The following CYP4X1 variants were observed in gnomAD, a reference collection of about 807,000 sequenced individuals.
CYP4X1 encodes the protein cytochrome P450 family 4 subfamily X member 1, also known as cytochrome P450 4X1.
Under a neutral mutation model 57.9 loss-of-function variants are expected in CYP4X1, and 44 were observed. The ratio of observed to expected loss-of-function variants is 0.76; its 90% confidence interval spans 0.60 to 0.98. The LOEUF is 0.98. CYP4X1 is among the 50% of genes least tolerant of loss of function. The pLI is 0.00. For missense variants in CYP4X1, 532 were observed against 623.9 expected, an observed-to-expected ratio of 0.85 and a Z score of 1.57; for synonymous variants, 227 against 228.6, an observed-to-expected ratio of 0.99 and a Z score of 0.06.
At chr1:47,014,616 C>G in the CYP4X1 span, among the ~76,000 whole-genome samples, 1 of 152,172 alleles carries the variant, frequency 6.6e-6, no homozygotes, top group Non-Finnish European at 1.5e-5. Context: ...ATATGAATTC[C>G]AATAAACACA....
the CYP4X1 span, among the ~76,000 whole-genome samples, chr1:47,002,722 C>T: frequency 6.6e-6 from 1 of 152,182 alleles, no homozygotes; most frequent in Non-Finnish European, 1.5e-5. Context: ...CAGGATCCTT[C>T]AAATGCTATG....
chr1:46,991,854 C>G, the CYP4X1 span, among the ~76,000 whole-genome samples: 1 of 152,176 alleles, frequency 6.6e-6, no homozygotes, highest in Non-Finnish European at 1.5e-5. Context: ...TCTTATAGAT[C>G]TGATTCTCCT....
the CYP4X1 span, among the ~76,000 whole-genome samples, chr1:46,987,688 C>G: frequency 2.0e-5 from 3 of 152,208 alleles, no homozygotes; most frequent in Non-Finnish European, 2.9e-5. Flanking sequence ...AACAGTCTCT[C>G]AGACCACAGT....
chr1:46,985,821 C>G, the CYP4X1 span, among the ~76,000 whole-genome samples: 3 of 152,288 alleles, frequency 2.0e-5, no homozygotes, highest in East Asian at 5.8e-4. Context: ...GGAAGAGCAT[C>G]AACATCAAAA....
intron 8 of CYP4X1, among the ~76,000 whole-genome samples, chr1:47,041,155 T>TTA (rs1259145279): frequency 1.3e-5 from 2 of 152,168 alleles, no homozygotes; most frequent in Admixed American, 6.5e-5. Flanking sequence ...AGTCCATTGT[T>TTA]TATATATATA....
the CYP4X1 span, among the ~76,000 whole-genome samples, chr1:46,987,843 A>G: frequency 6.6e-6 from 1 of 152,214 alleles, no homozygotes; most frequent in African/African-American, 2.4e-5. Context: ...CAAGGAGAAC[A>G]AACACAAAAC....
At chr1:47,031,985 G>T (rs550472397) in intron 3 of CYP4X1, among the ~76,000 whole-genome samples, 1 of 152,062 alleles carries the variant, frequency 6.6e-6, no homozygotes, top group Admixed American at 6.6e-5. Flanking sequence ...GGAGGTTGCC[G>T]TGAGCTCAGA....
the CYP4X1 span, among the ~76,000 whole-genome samples, chr1:46,995,808 G>A: frequency 1.1e-4 from 16 of 152,176 alleles, no homozygotes; most frequent in Admixed American, 8.5e-4. Flanking sequence ...CAAAACCAAC[G>A]GCAGAAGGCC....
intron 8 of CYP4X1, among the ~76,000 whole-genome samples, chr1:47,043,356 C>A (rs1459789087): frequency 6.6e-6 from 1 of 151,898 alleles, no homozygotes; most frequent in African/African-American, 2.4e-5. Flanking sequence ...GGATATTAGA[C>A]CTTTGTTGGA....
intron 4 of CYP4X1, among the ~76,000 whole-genome samples, chr1:47,033,910 G>A (rs1280699079): frequency 6.6e-6 from 1 of 152,178 alleles, no homozygotes; most frequent in Admixed American, 6.5e-5. Context: ...TTGCCCTAAG[G>A]GCAAGATTTA....
At chr1:46,962,559 A>G in the CYP4X1 span, among the ~76,000 whole-genome samples, 2 of 152,226 alleles carry the variant, frequency 1.3e-5, no homozygotes, top group East Asian at 3.8e-4. Context: ...CGTTGAAAAA[A>G]GATTAGACGA....
At position 47,050,304 on chromosome 1, in the gene CYP4X1, A is replaced by AC; in HGVS notation, c.*130_*131insC. On this transcript the variant is annotated 3_prime_UTR_variant, in exon 12 of 12. Coordinates refer to ENST00000371901, the MANE Select transcript of CYP4X1 (RefSeq NM_178033.2). The stretch of plus-strand genomic sequence containing the variant: ...GGTTGGTGGGATAGGGGTCTCTGTG[A>AC]AGAGATCCAAAATCATTTCTAGGTA... 1 of 928,516 alleles carries AC rather than the reference A, an allele frequency of 1.1e-6. No individual in the cohort carries two copies. The highest frequency in any genetic ancestry group is 1.6e-6 in the Non-Finnish European group (1 of 616,576). The allele number at this position is 928,516 out of a possible 1,614,324, so 57.5% of individuals were successfully genotyped here. A position where few individuals can be genotyped will look rare whatever the true frequency, so the allele number is the denominator to read the frequency against.
chr1:46,983,033 C>T, the CYP4X1 span, among the ~76,000 whole-genome samples: 1 of 152,186 alleles, frequency 6.6e-6, no homozygotes, highest in South Asian at 2.1e-4. Flanking sequence ...AGGTCCAAGC[C>T]TGGGGGCCCT....
chr1:47,018,301 G>T, the CYP4X1 span, among the ~76,000 whole-genome samples: 17 of 152,192 alleles, frequency 1.1e-4, no homozygotes, highest in African/African-American at 4.1e-4. Context: ...ACTCTTGGTG[G>T]GCTTTTGTTA....
the CYP4X1 span, among the ~76,000 whole-genome samples, chr1:47,014,913 C>T: frequency 2.4e-4 from 37 of 152,126 alleles, no homozygotes; most frequent in Non-Finnish European, 4.3e-4. Context: ...TCGTATAGCC[C>T]ACAGGTCACA....
At chr1:47,008,033 G>T in the CYP4X1 span, among the ~76,000 whole-genome samples, 4 of 152,170 alleles carry the variant, frequency 2.6e-5, no homozygotes, top group African/African-American at 9.7e-5. Context: ...CCCCAATCTA[G>T]CAAGGCAGGC....
chr1:47,005,154 A>C, the CYP4X1 span, among the ~76,000 whole-genome samples: 589 of 152,256 alleles, frequency 3.9e-3, 1 homozygote, highest in Non-Finnish European at 7.0e-3. Context: ...AAGGGGATGC[A>C]CTCAGAAGAG....
chr1:46,964,903 G>A, the CYP4X1 span, among the ~76,000 whole-genome samples: 12 of 152,246 alleles, frequency 7.9e-5, no homozygotes, highest in Non-Finnish European at 1.2e-4. Context: ...CGAGCTTCCC[G>A]GCCGCTTTGT....
At chr1:47,004,824 A>C in the CYP4X1 span, among the ~76,000 whole-genome samples, 1 of 152,210 alleles carries the variant, frequency 6.6e-6, no homozygotes, top group East Asian at 1.9e-4. Context: ...GCAAATGTGC[A>C]CATGTTTCAG....
Sources: gnomAD v4.1 joint callset for allele counts (sites outside exome capture counted in the v4.1 genomes callset) on GRCh38, gnomAD v4.1.1 for gene constraint, MANE v1.5 for transcripts, NCBI Gene and HGNC (gene_info 2026-07-23, HGNC 2026-07-21) for gene names.